Variants in CDC42BPB observed in about 807,000 individuals in gnomAD.
CDC42BPB encodes CDC42 binding protein kinase beta, also known as serine/threonine-protein kinase MRCK beta.
Under a neutral mutation model 214.9 loss-of-function variants are expected in CDC42BPB, and 37 were observed. The ratio of observed to expected loss-of-function variants is 0.17; its 90% CI spans 0.13 to 0.23. The LOEUF is 0.23. Ranked by LOEUF, CDC42BPB falls within the 10% of genes least tolerant of loss-of-function variation. The pLI is 1.00. For synonymous variants in CDC42BPB, 931 were observed against 884.0 expected, an observed-to-expected ratio of 1.05 and a Z score of -0.94; for missense variants, 1,694 against 2,227.0, an observed-to-expected ratio of 0.76 and a Z score of 4.82.
At chr14:103,033,542 T>C (rs1887508250) in intron 1 of CDC42BPB, among the ~76,000 whole-genome samples, 1 of 152,158 alleles carries the variant, frequency 6.6e-6, no homozygotes, top group African/African-American at 2.4e-5. Context: ...TAAAGGTATC[T>C]GAAATTTCCT....
At chr14:103,056,577 G>A (rs1016058536) in intron 1 of CDC42BPB, among the ~76,000 whole-genome samples, 2 of 150,032 alleles carry the variant, frequency 1.3e-5, no homozygotes, top group African/African-American at 5.0e-5. Flanking sequence ...GGGGGCGGGG[G>A]CGGGGGCGGG....
At chr14:103,016,819 CG>C (rs1449455452) in intron 1 of CDC42BPB, among the ~76,000 whole-genome samples, 1 of 116,712 alleles carries the variant, frequency 8.6e-6, no homozygotes, top group Non-Finnish European at 1.8e-5. Context: ...CTCTGTCTAC[CG>C]AAGAGTATCC....
rs1892113894 is a variant in CDC42BPB, at chr14:102,945,436, C to G, written c.3811+226G>C. ...TCCCAGGGGGCTTTCCTTGACCCCC[C>G]ACCCACTCCCGCTCAGTGCTCCCCT... is the stretch of plus-strand genomic sequence containing the variant. On this transcript the variant is annotated intron_variant, in intron 29 of 36. Coordinates refer to ENST00000361246, the MANE Select transcript of CDC42BPB (RefSeq NM_006035.4). 7.1e-6 allele frequency: 4 copies of G among 564,078 alleles called. No individual in the cohort carries two copies. The Admixed American group carries it at 7.9e-5, about 11-fold the overall frequency. 34.9% of individuals were successfully genotyped at this position (564,078 alleles called of 1,614,324 possible).
At chr14:102,952,829 G>A in intron 23 of CDC42BPB, 1 of 676,960 alleles carries the variant, frequency 1.5e-6, no homozygotes. Flanking sequence ...TTCCTTCAGT[G>A]GGAGAGCACT....
At chr14:103,051,680 C>T (rs1021996958) in intron 1 of CDC42BPB, among the ~76,000 whole-genome samples, 1 of 152,198 alleles carries the variant, frequency 6.6e-6, no homozygotes, top group Non-Finnish European at 1.5e-5. Flanking sequence ...GAGTATTTTG[C>T]CTGAAGGGCA....
At position 103,026,271 on chromosome 14, in the gene CDC42BPB, G is replaced by A. The variant is rs571142815; in HGVS notation, c.176-14083C>T. Among the ~76,000 whole-genome samples, 6 of 151,882 alleles carry A rather than the reference G, an allele frequency of 4.0e-5. No homozygotes were observed. The South Asian group carries it at 1.2e-3, about 32-fold the overall frequency. On this transcript the variant is annotated intron_variant, in intron 1 of 36. Transcript: ENST00000361246. Reference sequence around the variant, plus strand: ...CTGGGCATGGTGGCACATGCCTGTAGTCCCAGCTACTCAGGAGACTGAGGC... The same window carrying A: ...CTGGGCATGGTGGCACATGCCTGTAATCCCAGCTACTCAGGAGACTGAGGC...
intron 22 of CDC42BPB, 25 bp downstream of exon 22, chr14:102,954,576 GC>G: frequency 6.3e-7 from 1 of 1,585,456 alleles, no homozygotes; most frequent in South Asian, 1.1e-5. Context: ...CCAGGTGGGA[GC>G]ATCACCAGGG....
At chr14:102,976,166 G>T in intron 9 of CDC42BPB, 117 bp from the exon 10 acceptor site, 3 of 1,489,850 alleles carry the variant, frequency 2.0e-6, no homozygotes, top group Non-Finnish European at 2.7e-6. Flanking sequence ...AAAAACACCT[G>T]AGATAAGACT....
rs752813168 is a variant in CDC42BPB, at chr14:102,968,546, T to C, written c.2166A>G (p.Ser722=). 5.0e-6 allele frequency: 8 copies of C among 1,614,118 alleles called. No homozygotes were observed. The part of the protein sequence containing the change: ...VKNVKKEVHD[S]ESHQLALQKE... ...TCTGCAGGGCCAGCTGGTGGCTTTCTGAATCATGCACCTCCTTCTTCACAT... is the reference window on the plus strand; with the variant it reads ...TCTGCAGGGCCAGCTGGTGGCTTTCCGAATCATGCACCTCCTTCTTCACAT... The change falls in exon 15 of 37, where the codon TCA becomes TCG. Residue 722 remains serine, a synonymous_variant. Transcript: ENST00000361246.
chr14:102,965,111 T>G (rs1211515472), intron 18 of CDC42BPB, among the ~76,000 whole-genome samples: 1 of 151,972 alleles, frequency 6.6e-6, no homozygotes, highest in Non-Finnish European at 1.5e-5. Context: ...TTTTTGTATT[T>G]TTAGTAGAGA....
intron 36 of CDC42BPB, among the ~76,000 whole-genome samples, chr14:102,934,766 C>T (rs531740239): frequency 5.3e-5 from 8 of 152,068 alleles, no homozygotes; most frequent in Non-Finnish European, 8.8e-5. Context: ...AATCCCAGCA[C>T]TTTGGGAGGC....
intron 1 of CDC42BPB, among the ~76,000 whole-genome samples, chr14:103,044,463 G>C (rs1378936726): frequency 3.4e-5 from 5 of 147,910 alleles, no homozygotes; most frequent in African/African-American, 1.0e-4. Context: ...TCCACCTCCC[G>C]GGTTCAGGCA....
Position 102,940,121 on chromosome 14 carries a change from G to A in CDC42BPB, c.4516C>T (p.Leu1506=), listed in dbSNP as rs767886309. The A allele has an allele frequency of 5.6e-6, 9 of 1,614,024 alleles. No homozygotes were observed. Among genetic ancestry groups the A allele is most frequent in the Non-Finnish European group, 7.6e-6 (9 of 1,180,032 alleles). Residue 1506 remains leucine (L), a synonymous_variant, in exon 32 of 37, where the codon CTG becomes TTG. Transcript: ENST00000361246. ...AGGTTGAGGGTGCCTTCAGAGTTCA[G>A]GGGCCTTATCTGGATTGGAAACCAG... The part of the protein sequence containing the change: ...QTIGLRRIRP[L]NSEGTLNLLN...
At position 103,014,904 on chromosome 14, in the gene CDC42BPB, G is replaced by A. The variant is rs915508330; in HGVS notation, c.176-2716C>T. Among the ~76,000 whole-genome samples, 38 of 152,120 alleles carry A rather than the reference G, an allele frequency of 2.5e-4. 1 individual carries two copies. Among genetic ancestry groups the A allele is most frequent in the Admixed American group, 1.9e-3 (29 of 15,272 alleles). ...CAGTGAAGACAAAGACAGATGAGAC[G>A]CAGGAAGCAGTTCGCACCAAGGCTG... On this transcript the variant is annotated intron_variant, in intron 1 of 36. Coordinates refer to ENST00000361246, the MANE Select transcript of CDC42BPB (RefSeq NM_006035.4).
chr14:102,950,199 G>T, intron 25 of CDC42BPB: 2 of 737,122 alleles, frequency 2.7e-6, no homozygotes, highest in African/African-American at 1.9e-5. Flanking sequence ...GTGGCTTTCA[G>T]ACTGAGCTTC....
At chr14:102,976,424 T>C (rs537464854) in intron 9 of CDC42BPB, among the ~76,000 whole-genome samples, 68 of 152,264 alleles carry the variant, frequency 4.5e-4, no homozygotes, top group Non-Finnish European at 7.8e-4. Context: ...GAAAGCTTCC[T>C]GGTTTGGCCA....
At chr14:102,987,788 A>ACACAC (rs1894312194) in intron 5 of CDC42BPB, among the ~76,000 whole-genome samples, 48 of 140,846 alleles carry the variant, frequency 3.4e-4, no homozygotes, top group African/African-American at 1.1e-3. Flanking sequence ...CAAACACACA[A>ACACAC]ACACACACAC....
chr14:103,003,486 C>T lies in CDC42BPB; in HGVS notation c.447+442G>A, dbSNP rs35664176. 3.6e-3 allele frequency among the ~76,000 whole-genome samples: 549 copies of T among 152,308 alleles called. 2 individuals carry two copies. The highest frequency in any genetic ancestry group is 6.5e-3 in the Non-Finnish European group (440 of 68,026). ...AGACTAAGAGTCACCTAAAACCTGT[C>T]GAAAGGGCCTGGGGCACCCCCCCCA... On this transcript the variant is annotated intron_variant, in intron 4 of 36. Transcript: ENST00000361246.
chr14:103,020,549 G>A (rs1886714715), intron 1 of CDC42BPB, among the ~76,000 whole-genome samples: 1 of 152,212 alleles, frequency 6.6e-6, no homozygotes, highest in Admixed American at 6.5e-5. Context: ...TGTGTGCGAG[G>A]GCCCAGGCAC....
Sources: allele counts gnomAD v4.1 joint callset (sites outside exome capture counted in the v4.1 genomes callset), GRCh38; gene constraint gnomAD v4.1.1; transcripts MANE v1.5; gene names NCBI Gene and HGNC (gene_info 2026-07-23, HGNC 2026-07-21).